Variants in CSMD2 observed in about 807,000 individuals in gnomAD.
CSMD2 encodes the protein CUB and sushi domain-containing protein 2.
In CSMD2, 130 loss-of-function variants were observed where a neutral mutation model predicts 398.5. The observed-to-expected ratio is 0.33, with a 90% CI of 0.28 to 0.38. CSMD2 has a LOEUF of 0.38. CSMD2 is among the 10% of genes least tolerant of loss of function. The pLI, the probability that CSMD2 is intolerant of heterozygous loss-of-function variation, is 1.00. For synonymous variants in CSMD2, 1,828 were observed against 1,908.5 expected, an observed-to-expected ratio of 0.96 and a Z score of 1.10; for missense variants, 3,829 against 4,764.9, an observed-to-expected ratio of 0.80 and a Z score of 5.78.
In CSMD2 at chr1:33,519,708, T is replaced by G; in HGVS notation, c.10737-31A>C. ...GATAAAAGAGGAAGTGCCCACGGCA[T>G]GAAAAGAGCGACACAGAGAGGCTTA... On this transcript the variant is annotated intron_variant, in intron 69 of 70. Transcript: ENST00000373381. The surrounding 1 kb of genome is among the most constrained non-coding windows in gnomAD (Gnocchi z 5.6). 6.2e-7 allele frequency: 1 copy of G among 1,613,814 alleles called. No individual in the cohort carries two copies. Among genetic ancestry groups the G allele is most frequent in the Non-Finnish European group, 8.5e-7 (1 of 1,179,930 alleles).
chr1:33,581,363 A>T (rs1157979279), intron 47 of CSMD2, among the ~76,000 whole-genome samples: 4 of 148,204 alleles, frequency 2.7e-5, no homozygotes, highest in Admixed American at 6.7e-5. Flanking sequence ...CTAAAAAAAA[A>T]AAAAAAAAAA....
At chr1:33,896,304 A>G (rs1010169345) in intron 5 of CSMD2, among the ~76,000 whole-genome samples, 2 of 152,000 alleles carry the variant, frequency 1.3e-5, no homozygotes, top group Non-Finnish European at 2.9e-5. Context: ...GTTCTCTTCC[A>G]TCAGCACATT....
intron 13 of CSMD2, among the ~76,000 whole-genome samples, chr1:33,748,674 A>T (rs964370939): frequency 2.0e-5 from 3 of 152,214 alleles, no homozygotes; most frequent in African/African-American, 7.2e-5. Flanking sequence ...AACATGGATA[A>T]TGAGCCCATT....
chr1:33,861,578 C>A (rs746572958), intron 5 of CSMD2, among the ~76,000 whole-genome samples: 1 of 152,184 alleles, frequency 6.6e-6, no homozygotes, highest in Non-Finnish European at 1.5e-5. Flanking sequence ...GCACTTGGAT[C>A]TCCAGAAGCT....
chr1:34,140,758 A>G (rs1254276010), intron 1 of CSMD2, among the ~76,000 whole-genome samples: 1 of 152,144 alleles, frequency 6.6e-6, no homozygotes, highest in East Asian at 1.9e-4. Context: ...GAGAATATAG[A>G]ACAGAGAACA....
intron 22 of CSMD2, among the ~76,000 whole-genome samples, chr1:33,708,591 C>CTTCTTATTATTATTATTATTATTATTA (rs1553180002): frequency 7.1e-6 from 1 of 141,084 alleles, no homozygotes; most frequent in Non-Finnish European, 1.5e-5. Flanking sequence ...TCCAACCGAA[C>CTTCTTATTATTATTATTATTATTATTA]TTATTATTAT....
chr1:34,097,630 G>A (rs1226073026), intron 1 of CSMD2, among the ~76,000 whole-genome samples: 70 of 105,078 alleles, frequency 6.7e-4, no homozygotes, highest in African/African-American at 2.5e-3. Flanking sequence ...CTCAAAAGAA[G>A]ACATTTATGC....
chr1:33,799,269 A>G (rs1247865722), intron 10 of CSMD2, among the ~76,000 whole-genome samples: 1 of 152,222 alleles, frequency 6.6e-6, no homozygotes, highest in Non-Finnish European at 1.5e-5. Context: ...TAAAGCCTAA[A>G]ATATTTATGG....
chr1:33,614,936 C>G (rs1423853071), intron 39 of CSMD2, among the ~76,000 whole-genome samples: 1 of 152,158 alleles, frequency 6.6e-6, no homozygotes, highest in Non-Finnish European at 1.5e-5. Flanking sequence ...AGTTCTGTGC[C>G]AAAAGAAGTC....
chr1:33,917,766 T>C (rs1366652024), intron 5 of CSMD2, among the ~76,000 whole-genome samples: 2 of 152,202 alleles, frequency 1.3e-5, no homozygotes, highest in Non-Finnish European at 2.9e-5. Flanking sequence ...GGAACAATAT[T>C]TTGAATCATT....
At chr1:33,702,599 A>G (rs998717704) in intron 22 of CSMD2, among the ~76,000 whole-genome samples, 1 of 152,182 alleles carries the variant, frequency 6.6e-6, no homozygotes, top group African/African-American at 2.4e-5. Context: ...TAACAATAAG[A>G]TCGAATTATA....
Position 33,614,583 on chromosome 1 carries a change from C to T in CSMD2, c.6054G>A (p.Val2018=), listed in dbSNP as rs1195938687. 8.1e-6 allele frequency: 13 copies of T among 1,612,684 alleles called. No individual in the cohort carries two copies. The highest frequency in any genetic ancestry group is 1.1e-5 in the Non-Finnish European group (13 of 1,178,880). The change falls in exon 40 of 71, where the codon GTG becomes GTA. Residue 2018 remains valine (V), a synonymous_variant. Transcript: ENST00000373381. ...TGCCTGGGAAGCCGGGGCTCAGGAT[C>T]ACCCCCTCCATCTCCTCCACTGTTC... ...CGGTVEEMEG[V]ILSPGFPGNY... is the part of the protein sequence containing the mutation.
In CSMD2 at chr1:33,605,348, G is replaced by A; in HGVS notation, c.6466C>T (p.His2156Tyr). Residue 2156 changes from histidine (H) to tyrosine (Y), a missense_variant, in exon 42 of 71, where the codon CAC (histidine) becomes TAC (tyrosine). His to Tyr is a moderately conservative substitution (Grantham distance 83). This residue lies in a region of CSMD2 where 723 missense variants were observed against 758.6 expected (regional missense o/e 0.95). Transcript: ENST00000373381. ...CCATGTTGACACGTGAGGACAGGGT[G>A]GCCAGTCAATTGATACCCCGGGAGG... ...ECLPGYQLTG[H>Y]PVLTCQHGTN... is the part of the protein sequence containing the mutation. The A allele has an allele frequency of 6.2e-7, 1 of 1,614,186 alleles. No homozygotes were observed. The highest frequency in any genetic ancestry group is 8.5e-7 in the Non-Finnish European group (1 of 1,180,032).
intron 13 of CSMD2, among the ~76,000 whole-genome samples, chr1:33,751,078 T>C (rs1648171383): frequency 6.6e-6 from 1 of 151,674 alleles, no homozygotes; most frequent in Non-Finnish European, 1.5e-5. Context: ...ACACTCAACA[T>C]AGAAATATTG....
intron 2 of CSMD2, among the ~76,000 whole-genome samples, chr1:34,037,934 T>C (rs67013011): frequency 0.038 from 5,864 of 152,314 alleles, 143 homozygotes; most frequent in Middle Eastern, 0.11. Context: ...ACTTACAATA[T>C]ATGGAATTGC....
chr1:34,054,755 T>A (rs185026156), intron 2 of CSMD2, among the ~76,000 whole-genome samples: 1 of 151,680 alleles, frequency 6.6e-6, no homozygotes, highest in East Asian at 1.9e-4. Context: ...AAAAAAGTGG[T>A]TTCCAACCAG....
intron 17 of CSMD2, among the ~76,000 whole-genome samples, chr1:33,724,913 T>G (rs1232578084): frequency 6.6e-6 from 1 of 152,238 alleles, no homozygotes; most frequent in Non-Finnish European, 1.5e-5. Flanking sequence ...CTTGTCCTCA[T>G]GGTGCTCGCA....
intron 40 of CSMD2, 56 bp downstream of exon 40, chr1:33,614,448 T>TAATA (rs1278472139): frequency 1.9e-6 from 2 of 1,037,742 alleles, no homozygotes; most frequent in African/African-American, 3.1e-5. Context: ...ACAGTAGTTT[T>TAATA]AAGCTCAAGG....
intron 12 of CSMD2, among the ~76,000 whole-genome samples, chr1:33,779,644 T>G (rs1279187855): frequency 6.6e-6 from 1 of 152,160 alleles, no homozygotes; most frequent in East Asian, 1.9e-4. Flanking sequence ...CATCTTTCAG[T>G]GTTGGTGCAA....
Sources: allele counts gnomAD v4.1 joint callset (sites outside exome capture counted in the v4.1 genomes callset), GRCh38; gene constraint gnomAD v4.1.1; regional missense constraint gnomAD v4.1.1; non-coding constraint Gnocchi (gnomAD v3.1); transcripts MANE v1.5; gene names NCBI Gene and HGNC (gene_info 2026-07-23, HGNC 2026-07-21).